Variants in GRB2 observed in about 807,000 individuals in gnomAD.
The protein encoded by GRB2 is growth factor receptor bound protein 2.
In GRB2, 2 loss-of-function variants were observed where a neutral mutation model predicts 27.4. The ratio of observed to expected loss-of-function variants is 0.07; its 90% confidence interval spans 0.03 to 0.23. The LOEUF (loss-of-function observed/expected upper bound fraction) is 0.23, where lower values mean the gene tolerates loss of function less well. GRB2 is among the 10% of genes least tolerant of loss of function. The probability of loss-of-function intolerance (pLI) is 1.00; values close to 1 mark genes in which losing one functional copy is unlikely to be tolerated. For missense variants in GRB2, 102 were observed against 282.4 expected (o/e 0.36, Z 4.58); for synonymous variants, 94 against 99.6 (o/e 0.94, Z 0.33).
intron 4 of GRB2, among the ~76,000 whole-genome samples, chr17:75,324,757 G>A (rs1349750143): frequency 6.6e-6 from 1 of 151,702 alleles, no homozygotes; most frequent in South Asian, 2.1e-4. Flanking sequence ...AAATGGAAAA[G>A]TCTCACGCTT....
At chr17:75,328,402 A>G (rs932840970) in intron 3 of GRB2, among the ~76,000 whole-genome samples, 3 of 151,808 alleles carry the variant, frequency 2.0e-5, no homozygotes, top group Non-Finnish European at 2.9e-5. Flanking sequence ...GCACTTTGGG[A>G]GGCCGAGGTG....
At chr17:75,388,583 T>TGGG (rs59379896) in intron 2 of GRB2, among the ~76,000 whole-genome samples, 10 of 86,340 alleles carry the variant, frequency 1.2e-4, no homozygotes, top group African/African-American at 4.4e-4. Context: ...TTTAAAATAG[T>TGGG]GGGGGGGGGG....
chr17:75,330,011 T>C (rs1474545461), intron 3 of GRB2, among the ~76,000 whole-genome samples: 1 of 152,178 alleles, frequency 6.6e-6, no homozygotes, highest in Non-Finnish European at 1.5e-5. Context: ...TCTTGCTTTG[T>C]TGAATAGGCT....
Position 75,386,587 on chromosome 17 carries a change from C to T in GRB2, c.78+6964G>A, listed in dbSNP as rs116371112. ...AAAGGATGGGGTCAATCTTTGTTAT[C>T]TTTGGTAATCTGACATACAAAATGA... On this transcript the variant is annotated intron_variant, in intron 2 of 5. Coordinates refer to ENST00000316804, the MANE Select transcript of GRB2 (RefSeq NM_002086.5). Among the ~76,000 whole-genome samples, 1,432 of 152,288 alleles carry T rather than the reference C, an allele frequency of 9.4e-3. 26 individuals are homozygous for T. The highest frequency in any genetic ancestry group is 0.048 in the South Asian group (233 of 4,830).
At chr17:75,376,215 C>G (rs556800864) in intron 2 of GRB2, among the ~76,000 whole-genome samples, 1 of 145,044 alleles carries the variant, frequency 6.9e-6, no homozygotes, top group African/African-American at 2.6e-5. Flanking sequence ...TGTCGGCATG[C>G]GCCTATATAG....
chr17:75,350,824 A>C (rs2078687319), intron 2 of GRB2, among the ~76,000 whole-genome samples: 1 of 152,134 alleles, frequency 6.6e-6, no homozygotes, highest in African/African-American at 2.4e-5. Flanking sequence ...GGAAACCCTC[A>C]GTGTAAGTAG....
Position 75,358,708 on chromosome 17 carries a change from A to C in GRB2, c.79-25911T>G, listed in dbSNP as rs1226174398. On this transcript the variant is annotated intron_variant, in intron 2 of 5. Transcript: ENST00000316804. ...CGAAATCCCATCTCTACTAAAAAAA[A>C]AAAAAAAAAAAAAAAAAACAAAAAA... Among the ~76,000 whole-genome samples the C allele has an allele frequency of 1.8e-4, 26 of 145,354 alleles. 1 individual carries two copies. In the South Asian group the frequency reaches 5.4e-3, roughly 30 times the overall value.
At chr17:75,327,797 T>C (rs551435554) in intron 3 of GRB2, among the ~76,000 whole-genome samples, 14 of 152,300 alleles carry the variant, frequency 9.2e-5, no homozygotes, top group East Asian at 5.8e-4. Flanking sequence ...CTTAGTAACT[T>C]TGTCCTTGTG....
At chr17:75,367,628 T>C (rs2078828354) in intron 2 of GRB2, among the ~76,000 whole-genome samples, 2 of 152,264 alleles carry the variant, frequency 1.3e-5, no homozygotes, top group African/African-American at 4.8e-5. Flanking sequence ...CAGCCCTTTA[T>C]TCTTTACTTG....
At chr17:75,402,967 A>G (rs1354994195) in intron 1 of GRB2, among the ~76,000 whole-genome samples, 1 of 145,716 alleles carries the variant, frequency 6.9e-6, no homozygotes, top group Non-Finnish European at 1.5e-5. Context: ...CCCAGCTACT[A>G]GCGAGGCTGA....
intron 4 of GRB2, among the ~76,000 whole-genome samples, chr17:75,325,171 T>G (rs998092172): frequency 1.3e-5 from 2 of 152,174 alleles, no homozygotes; most frequent in Non-Finnish European, 2.9e-5. Flanking sequence ...GTGATCTGAG[T>G]GTTGAATCTA....
chr17:75,403,895 C>T (rs1191953005), intron 1 of GRB2, among the ~76,000 whole-genome samples: 1 of 152,220 alleles, frequency 6.6e-6, no homozygotes. Flanking sequence ...GGGTGGATTA[C>T]CTGAGGTCAA....
At chr17:75,404,909 G>A (rs2079088912) in intron 1 of GRB2, 1 of 152,138 alleles carries the variant, frequency 6.6e-6, no homozygotes, top group South Asian at 2.1e-4. Context: ...CTTCCTCGGT[G>A]CAGTCCAACC....
At chr17:75,329,988 T>A (rs147626126) in intron 3 of GRB2, among the ~76,000 whole-genome samples, 129 of 152,294 alleles carry the variant, frequency 8.5e-4, no homozygotes, top group African/African-American at 3.0e-3. Context: ...ATTTTTTATT[T>A]TTTGAGACAG....
At chr17:75,366,635 C>T (rs2078821803) in intron 2 of GRB2, among the ~76,000 whole-genome samples, 1 of 151,960 alleles carries the variant, frequency 6.6e-6, no homozygotes, top group African/African-American at 2.4e-5. Context: ...GGCAAAACCC[C>T]ATCTCCACAA....
intron 2 of GRB2, among the ~76,000 whole-genome samples, chr17:75,352,316 T>C (rs2078697803): frequency 6.6e-6 from 1 of 152,194 alleles, no homozygotes; most frequent in Non-Finnish European, 1.5e-5. Flanking sequence ...CGCTGCTCCA[T>C]GTGAAAAATC....
chr17:75,380,018 G>T (rs1240442291), intron 2 of GRB2, among the ~76,000 whole-genome samples: 1 of 152,204 alleles, frequency 6.6e-6, no homozygotes, highest in African/African-American at 2.4e-5. Flanking sequence ...TAGAAATCTA[G>T]ATAGCAAGAC....
At chr17:75,321,001 G>GA (rs946225033) in intron 5 of GRB2, among the ~76,000 whole-genome samples, 1 of 152,092 alleles carries the variant, frequency 6.6e-6, no homozygotes, top group Non-Finnish European at 1.5e-5. Flanking sequence ...CGAGGGACAG[G>GA]AACGGGTGCC....
At chr17:75,342,816 A>C (rs2078629876) in intron 2 of GRB2, among the ~76,000 whole-genome samples, 1 of 152,112 alleles carries the variant, frequency 6.6e-6, no homozygotes, top group Non-Finnish European at 1.5e-5. Flanking sequence ...CAGGAAGCCA[A>C]GGCGGGAGGA....
Sources: gnomAD v4.1 joint callset for allele counts (sites outside exome capture counted in the v4.1 genomes callset) on GRCh38, gnomAD v4.1.1 for gene constraint, MANE v1.5 for transcripts, NCBI Gene and HGNC (gene_info 2026-07-23, HGNC 2026-07-21) for gene names.